MS4A13: variants seen among roughly 807,000 people sequenced by gnomAD.
The protein encoded by MS4A13 is membrane-spanning 4-domains subfamily A member 13.
Under a neutral mutation model 18.4 loss-of-function variants are expected in MS4A13, and 21 were observed. The ratio of observed to expected loss-of-function variants is 1.14; its 90% CI spans 0.81 to 1.64. The LOEUF is 1.64. MS4A13 is among the 40% of genes most tolerant of loss of function. The pLI is 0.00. For synonymous variants in MS4A13, 62 were observed against 57.2 expected (o/e 1.08, Z -0.38); for missense variants, 173 against 176.8 (o/e 0.98, Z 0.12).
intron 3 of MS4A13, 120 bp from the exon 4 acceptor site, chr11:60,523,777 T>G (rs1021586188): frequency 1.4e-5 from 9 of 638,582 alleles, no homozygotes; most frequent in Non-Finnish European, 2.5e-5. Context: ...CTAAAACTTC[T>G]GTATATTTTG....
chr11:60,533,881 GA>G (rs985056736), intron 6 of MS4A13, among the ~76,000 whole-genome samples: 1 of 66,404 alleles, frequency 1.5e-5, no homozygotes, highest in African/African-American at 6.7e-5. Context: ...CATTCTGAAA[GA>G]AAAGAATTTT....
chr11:60,518,130 T>C lies in MS4A13; in HGVS notation c.47T>C (p.Leu16Ser), dbSNP rs749949938. Residue 16 changes from leucine (L) to serine (S), a missense_variant, in exon 3 of 7, where the codon TTG (leucine) becomes TCG (serine). Transcript: ENST00000378186. ...HIFMWYFLLV[L>S]YMGQIKGAFG... The stretch of plus-strand genomic sequence containing the variant: ...TTCATGTGGTACTTTCTATTGGTTT[T>C]GTATATGGGACAAATTAAAGGAGCC... The C allele has an allele frequency of 3.1e-6, 5 of 1,610,054 alleles. No homozygotes were observed. The African/African-American group carries it at 6.7e-5, about 22-fold the overall frequency.
chr11:60,539,536 A>T (rs776186541), intron 6 of MS4A13, among the ~76,000 whole-genome samples: 5 of 152,122 alleles, frequency 3.3e-5, no homozygotes, highest in Non-Finnish European at 7.4e-5. Flanking sequence ...AATGGGGAGT[A>T]CCAGAAAAAA....
intron 3 of MS4A13, among the ~76,000 whole-genome samples, chr11:60,520,178 C>T (rs1015348934): frequency 9.2e-5 from 14 of 152,014 alleles, no homozygotes; most frequent in Non-Finnish European, 1.9e-4. Flanking sequence ...GGGGGGGTGG[C>T]GAGTCATTCC....
rs1290393672 is a variant in MS4A13 at position 60,542,678 on chromosome 11, A to C, written c.*103A>C. On this transcript the variant is annotated 3_prime_UTR_variant, in exon 7 of 7. Coordinates refer to ENST00000378186, the MANE Select transcript of MS4A13 (RefSeq NM_001012417.3). Reference sequence around the variant, plus strand: ...GTTACGAAGCCTACAGATTTTGTGCAAAATAAAATACAAACAAGGTGAATT... The same window carrying C: ...GTTACGAAGCCTACAGATTTTGTGCCAAATAAAATACAAACAAGGTGAATT... The C allele has an allele frequency of 8.0e-6, 5 of 626,838 alleles. No individual in the cohort carries two copies. Among genetic ancestry groups the C allele is most frequent in the Admixed American group, 3.1e-5 (1 of 32,124 alleles). The allele number at this position is 626,838 out of a possible 1,614,324, so 38.8% of individuals were successfully genotyped here.
chr11:60,518,872 A>G (rs548134834), intron 3 of MS4A13, among the ~76,000 whole-genome samples: 1 of 152,356 alleles, frequency 6.6e-6, no homozygotes, highest in East Asian at 1.9e-4. Flanking sequence ...AATTACAGAC[A>G]GCAAACAGGA....
chr11:60,543,167 C>A (rs1422871945), downstream of MS4A13, among the ~76,000 whole-genome samples: 1 of 152,042 alleles, frequency 6.6e-6, no homozygotes, highest in East Asian at 1.9e-4. Context: ...GTTTGGATCA[C>A]CTGTTCAACT....
At chr11:60,520,603 C>T (rs991736397) in intron 3 of MS4A13, among the ~76,000 whole-genome samples, 1 of 152,232 alleles carries the variant, frequency 6.6e-6, no homozygotes, top group African/African-American at 2.4e-5. Flanking sequence ...TGTCTCACAT[C>T]CAGGTTATGC....
chr11:60,516,360 T>C (rs1396766066), intron 2 of MS4A13, among the ~76,000 whole-genome samples: 3 of 152,216 alleles, frequency 2.0e-5, no homozygotes, highest in Non-Finnish European at 4.4e-5. Flanking sequence ...CTTACATTTA[T>C]GCAGTAGGAT....
intron 2 of MS4A13, 112 bp from the exon 3 acceptor site, chr11:60,517,960 C>T: frequency 2.6e-6 from 2 of 780,292 alleles, no homozygotes; most frequent in Non-Finnish European, 3.9e-6. Flanking sequence ...AAGTGCATTG[C>T]TGTTTTACTT....
At chr11:60,539,571 A>T (rs1163094473) in intron 6 of MS4A13, among the ~76,000 whole-genome samples, 3 of 152,144 alleles carry the variant, frequency 2.0e-5, no homozygotes, top group Non-Finnish European at 4.4e-5. Flanking sequence ...TGGCTCCCAA[A>T]TTCCCCTAAT....
chr11:60,517,948 T>G (rs1565209553), intron 2 of MS4A13, 124 bp from the exon 3 acceptor site: 2 of 679,288 alleles, frequency 2.9e-6, no homozygotes, highest in Non-Finnish European at 4.5e-6. Flanking sequence ...AAATACATCA[T>G]TAAGTGCATT....
At chr11:60,539,051 TTC>T (rs1266040287) in intron 6 of MS4A13, among the ~76,000 whole-genome samples, 1 of 138,676 alleles carries the variant, frequency 7.2e-6, no homozygotes, top group Non-Finnish European at 1.5e-5. Flanking sequence ...AAGGGGATTC[TTC>T]TCCTGGCCCT....
At chr11:60,527,543 AAAG>A (rs924467055) in intron 5 of MS4A13, among the ~76,000 whole-genome samples, 1 of 151,832 alleles carries the variant, frequency 6.6e-6, no homozygotes, top group Non-Finnish European at 1.5e-5. Context: ...CATATAAATT[AAAG>A]AATATGGGGC....
At chr11:60,539,609 A>G (rs745360131) in intron 6 of MS4A13, among the ~76,000 whole-genome samples, 2 of 152,188 alleles carry the variant, frequency 1.3e-5, no homozygotes, top group African/African-American at 2.4e-5. Context: ...ATACATCCAA[A>G]AAGCTCAAGG....
At position 60,518,076 on chromosome 11, in the gene MS4A13, T is replaced by C. The variant is rs529663247; in HGVS notation, c.-8T>C. 1.3e-6 allele frequency: 2 copies of C among 1,589,836 alleles called. No individual in the cohort carries two copies. Among genetic ancestry groups the C allele is most frequent in the Admixed American group, 1.7e-5 (1 of 58,782 alleles). Reference sequence around the variant, plus strand: ...AACATAATTCTCTTCTCACAGACTATCCAGATTATGATTGGCATCTTTCAC... The same window carrying C: ...AACATAATTCTCTTCTCACAGACTACCCAGATTATGATTGGCATCTTTCAC... On this transcript the variant is annotated 5_prime_UTR_variant, in exon 3 of 7. Transcript: ENST00000378186.
intron 5 of MS4A13, among the ~76,000 whole-genome samples, chr11:60,527,549 T>C (rs1184290551): frequency 2.6e-5 from 4 of 151,834 alleles, no homozygotes; most frequent in Admixed American, 6.6e-5. Flanking sequence ...AATTAAAGAA[T>C]ATGGGGCCAG....
intron 6 of MS4A13, among the ~76,000 whole-genome samples, chr11:60,542,214 G>GGAAA (rs1473478418): frequency 9.8e-6 from 1 of 102,454 alleles, no homozygotes; most frequent in Non-Finnish European, 2.2e-5. Flanking sequence ...AAGGGAGGAA[G>GGAAA]GAAAGAAAGA....
intron 5 of MS4A13, among the ~76,000 whole-genome samples, chr11:60,527,400 C>G (rs868257984): frequency 0.065 from 5,194 of 80,348 alleles, 130 homozygotes; most frequent in African/African-American, 0.15. Flanking sequence ...CTCTCTCTCT[C>G]TCTCTCTCTC....
Sources: allele counts gnomAD v4.1 joint callset (sites outside exome capture counted in the v4.1 genomes callset), GRCh38; gene constraint gnomAD v4.1.1; transcripts MANE v1.5; gene names NCBI Gene and HGNC (gene_info 2026-07-23, HGNC 2026-07-21).